LRMDA: variants seen among roughly 807,000 people sequenced by gnomAD.
LRMDA encodes the protein leucine-rich melanocyte differentiation-associated protein.
Under a neutral mutation model 29.8 loss-of-function variants are expected in LRMDA, and 18 were observed. The ratio of observed to expected loss-of-function variants is 0.60; its 90% CI spans 0.42 to 0.90. The LOEUF is 0.90. Ranked by LOEUF, LRMDA falls within the 40% of genes least tolerant of loss-of-function variation. The pLI, the probability that LRMDA is intolerant of heterozygous loss-of-function variation, is 0.00. For synonymous variants in LRMDA, 125 were observed against 109.4 expected (o/e 1.14, Z -0.89); for missense variants, 273 against 273.9 (o/e 1.00, Z 0.02).
chr10:76,377,402 TC>T, intron 6 of LRMDA, among the ~76,000 whole-genome samples: 1 of 152,206 alleles, frequency 6.6e-6, no homozygotes, highest in East Asian at 1.9e-4. Context: ...TTTAATTAAA[TC>T]CCATTAGTCT....
intron 2 of LRMDA, among the ~76,000 whole-genome samples, chr10:75,884,034 A>G: frequency 6.6e-6 from 1 of 151,596 alleles, no homozygotes; most frequent in Non-Finnish European, 1.5e-5. Context: ...TTGAATTTTT[A>G]TTTTTTTCTT....
At chr10:75,715,449 C>G (rs1386444870) in intron 2 of LRMDA, among the ~76,000 whole-genome samples, 1 of 150,850 alleles carries the variant, frequency 6.6e-6, no homozygotes, top group East Asian at 1.9e-4. Context: ...TCTTAACTGC[C>G]TTTTTTTTTA....
chr10:76,290,326 G>A (rs1289516965), intron 5 of LRMDA, among the ~76,000 whole-genome samples: 2 of 151,774 alleles, frequency 1.3e-5, no homozygotes, highest in Non-Finnish European at 2.9e-5. Context: ...TGAAAAGCAT[G>A]GGTCTGCAGC....
At chr10:75,915,319 A>G (rs1413247273) in intron 2 of LRMDA, among the ~76,000 whole-genome samples, 3 of 151,760 alleles carry the variant, frequency 2.0e-5, no homozygotes, top group African/African-American at 7.3e-5. Context: ...TATTTTTAGT[A>G]GACATGAGGT....
chr10:75,749,387 T>C (rs1842926353), intron 2 of LRMDA, among the ~76,000 whole-genome samples: 1 of 152,138 alleles, frequency 6.6e-6, no homozygotes, highest in Admixed American at 6.5e-5. Flanking sequence ...CTAACTCCCA[T>C]GTTGTTTAAG....
At chr10:76,521,940 G>A (rs1241851723) in intron 6 of LRMDA, among the ~76,000 whole-genome samples, 1 of 152,100 alleles carries the variant, frequency 6.6e-6, no homozygotes, top group Admixed American at 6.5e-5. Context: ...AGACACAGTT[G>A]TCTTCAGTAT....
At chr10:75,585,867 A>G (rs1840649531) in intron 2 of LRMDA, among the ~76,000 whole-genome samples, 1 of 151,964 alleles carries the variant, frequency 6.6e-6, no homozygotes, top group African/African-American at 2.4e-5. Context: ...CCACTATTCA[A>G]CTCTTTGATT....
chr10:75,692,199 C>G (rs1842167139), intron 2 of LRMDA, among the ~76,000 whole-genome samples: 1 of 102,732 alleles, frequency 9.7e-6, no homozygotes, highest in Non-Finnish European at 1.8e-5. Flanking sequence ...AAGACCTTGT[C>G]TCTGGGGGGA....
intron 2 of LRMDA, among the ~76,000 whole-genome samples, chr10:75,801,920 G>A (rs893229624): frequency 1.1e-4 from 16 of 152,268 alleles, no homozygotes; most frequent in African/African-American, 3.9e-4. Context: ...TGAGAGCTTC[G>A]TATGTGCTGT....
chr10:75,631,059 C>G (rs1841315372), intron 2 of LRMDA, among the ~76,000 whole-genome samples: 1 of 152,130 alleles, frequency 6.6e-6, no homozygotes. Context: ...CCTTTCTTCT[C>G]CTGCCCCAGA....
In LRMDA at chr10:76,550,067, A is replaced by G. The variant is rs113231677; in HGVS notation, c.602-7142A>G. ...TTTAATATTTGGCCAGAGCTGATTG[A>G]GGAATTTAACCTTACTGTAAAAATT... On this transcript the variant is annotated intron_variant, in intron 6 of 6. Coordinates refer to ENST00000611255, the MANE Select transcript of LRMDA (RefSeq NM_001305581.2). Among the ~76,000 whole-genome samples, 525 of 152,364 alleles carry G rather than the reference A, an allele frequency of 3.4e-3. 5 individuals carry two copies. The highest frequency in any genetic ancestry group is 0.012 in the African/African-American group (498 of 41,598).
chr10:75,755,959 G>A (rs537457662), intron 2 of LRMDA, among the ~76,000 whole-genome samples: 19 of 152,356 alleles, frequency 1.2e-4, no homozygotes, highest in African/African-American at 4.6e-4. Context: ...TGGCTGGCAT[G>A]TGGAGAATGG....
intron 5 of LRMDA, among the ~76,000 whole-genome samples, chr10:76,308,223 C>T (rs985701430): frequency 2.0e-5 from 3 of 152,144 alleles, no homozygotes; most frequent in Non-Finnish European, 4.4e-5. Context: ...TCAATGGTCC[C>T]TTCAACCTTC....
intron 5 of LRMDA, among the ~76,000 whole-genome samples, chr10:76,299,485 A>C (rs1216961033): frequency 1.3e-5 from 2 of 152,148 alleles, no homozygotes; most frequent in East Asian, 3.9e-4. Flanking sequence ...TACAGAAGCT[A>C]AACTTTGGGA....
intron 2 of LRMDA, among the ~76,000 whole-genome samples, chr10:75,717,106 T>C (rs1842510391): frequency 6.6e-6 from 1 of 152,160 alleles, no homozygotes; most frequent in Non-Finnish European, 1.5e-5. Context: ...TTACAGGGCT[T>C]CCTGGATTGT....
At chr10:76,553,550 C>T (rs1284062709) in intron 6 of LRMDA, among the ~76,000 whole-genome samples, 1 of 152,198 alleles carries the variant, frequency 6.6e-6, no homozygotes, top group Admixed American at 6.5e-5. Flanking sequence ...AACACAATGC[C>T]ACCTCACTTA....
chr10:75,767,732 C>G (rs1044825702), intron 2 of LRMDA, among the ~76,000 whole-genome samples: 3 of 152,056 alleles, frequency 2.0e-5, no homozygotes, highest in Non-Finnish European at 4.4e-5. Flanking sequence ...AAAAATGCCC[C>G]CCGAAAAGAG....
At chr10:75,645,408 A>C (rs1389185363) in intron 2 of LRMDA, among the ~76,000 whole-genome samples, 3 of 152,126 alleles carry the variant, frequency 2.0e-5, no homozygotes. Context: ...AGTAAATGTC[A>C]GGACAGAGAT....
chr10:75,600,833 TCTA>T (rs1202619118), intron 2 of LRMDA, among the ~76,000 whole-genome samples: 1 of 152,358 alleles, frequency 6.6e-6, no homozygotes, highest in African/African-American at 2.4e-5. Flanking sequence ...TGGGCTATGA[TCTA>T]CTAATCCTTC....
Sources: allele counts gnomAD v4.1 joint callset (sites outside exome capture counted in the v4.1 genomes callset), GRCh38; gene constraint gnomAD v4.1.1; transcripts MANE v1.5; gene names NCBI Gene and HGNC (gene_info 2026-07-23, HGNC 2026-07-21).